SRSF11: variants seen among roughly 807,000 people sequenced by gnomAD.
SRSF11 encodes serine and arginine rich splicing factor 11.
In SRSF11, 9 loss-of-function variants were observed where a neutral mutation model predicts 56.0. The ratio of observed to expected loss-of-function variants is 0.16; its 90% CI spans 0.10 to 0.28. SRSF11 has a LOEUF of 0.28. SRSF11 is among the 10% of genes least tolerant of loss of function. The pLI, the probability that SRSF11 is intolerant of heterozygous loss-of-function variation, is 1.00. For missense variants in SRSF11, 421 were observed against 600.7 expected (o/e 0.70, Z 3.13); for synonymous variants, 222 against 215.3 (o/e 1.03, Z -0.27).
At chr1:70,229,689 T>G in intron 2 of SRSF11, 1 of 985,272 alleles carries the variant, frequency 1.0e-6, no homozygotes, top group Non-Finnish European at 1.2e-6. Context: ...TTAGATGCTA[T>G]CTGAAATCTT....
chr1:70,227,809 C>T (rs74088022), intron 1 of SRSF11, among the ~76,000 whole-genome samples: 574 of 152,290 alleles, frequency 3.8e-3, no homozygotes, highest in African/African-American at 0.013. Flanking sequence ...ACTAGTGGAA[C>T]GTAGTACTAC....
chr1:70,220,713 C>T (rs1211739831), upstream of SRSF11: 1 of 151,846 alleles, frequency 6.6e-6, no homozygotes, highest in Admixed American at 6.6e-5. Context: ...AGCCTGGCGT[C>T]GTGGCAGGCG....
chr1:70,219,455 T>TA (rs1454239573), upstream of SRSF11, among the ~76,000 whole-genome samples: 4 of 152,240 alleles, frequency 2.6e-5, no homozygotes, highest in African/African-American at 9.6e-5. Context: ...AAATAGTTGT[T>TA]AGACAAGAAA....
In SRSF11 at chr1:70,223,263, A is replaced by G. The variant is rs377297126; in HGVS notation, c.203+1424A>G. On this transcript the variant is annotated intron_variant, in intron 1 of 11. Transcript: ENST00000370949. ...ATTCGAATTACTACAATTCTTTCCA[A>G]TCCTACAAGTTAAAAATTTTGTTAT... is the stretch of plus-strand genomic sequence containing the variant. Among the ~76,000 whole-genome samples, 107 of 152,306 alleles carry G rather than the reference A, an allele frequency of 7.0e-4. 3 individuals are homozygous for G. In the South Asian group the frequency reaches 9.9e-3, roughly 14 times the overall value.
At chr1:70,245,950 A>G (rs1426003120) in intron 8 of SRSF11, among the ~76,000 whole-genome samples, 1 of 152,184 alleles carries the variant, frequency 6.6e-6, no homozygotes, top group Non-Finnish European at 1.5e-5. Flanking sequence ...TGTTCTAGTA[A>G]TCTAGGAGTT....
At chr1:70,224,910 G>A (rs1042398955) in intron 1 of SRSF11, among the ~76,000 whole-genome samples, 16 of 152,156 alleles carry the variant, frequency 1.1e-4, no homozygotes, top group Non-Finnish European at 2.2e-4. Flanking sequence ...CTTTCTAAAT[G>A]TACCTTAATC....
chr1:70,215,899 C>T (rs1368342030), intron 1 of SRSF11, among the ~76,000 whole-genome samples: 2 of 152,146 alleles, frequency 1.3e-5, no homozygotes, highest in Non-Finnish European at 2.9e-5. Context: ...TCTTCCTCCT[C>T]GAGGAGCCTC....
chr1:70,222,426 A>G (rs1031951464), intron 1 of SRSF11, among the ~76,000 whole-genome samples: 1 of 152,222 alleles, frequency 6.6e-6, no homozygotes, highest in Non-Finnish European at 1.5e-5. Context: ...TTGTTTGAAT[A>G]ATATACAGAT....
upstream of SRSF11, among the ~76,000 whole-genome samples, chr1:70,216,434 C>CTTT (rs71921219): frequency 7.1e-6 from 1 of 141,582 alleles, no homozygotes; most frequent in Non-Finnish European, 1.6e-5. Flanking sequence ...GGTTATTTAA[C>CTTT]TTTTTTTTTT....
chr1:70,231,586 G>C, intron 2 of SRSF11: 2 of 1,129,354 alleles, frequency 1.8e-6, no homozygotes, highest in Non-Finnish European at 2.2e-6. Flanking sequence ...GTGCCATGTT[G>C]TTTTACCTAT....
At chr1:70,230,443 T>C (rs996271292) in intron 2 of SRSF11, 65 of 1,184,296 alleles carry the variant, frequency 5.5e-5, no homozygotes, top group Non-Finnish European at 6.5e-5. Context: ...CTAAGATAGC[T>C]GAATTTGGAA....
rs372794079 is a variant in SRSF11 at position 70,221,403 on chromosome 1, G to C, written c.-234G>C. 11 of 537,226 alleles carry C rather than the reference G, an allele frequency of 2.0e-5. No individual in the cohort carries two copies. Among genetic ancestry groups the C allele is most frequent in the East Asian group, 2.0e-4 (6 of 30,182 alleles). 33.3% of individuals were successfully genotyped at this position (537,226 alleles called of 1,614,324 possible). A position where few individuals can be genotyped will look rare whatever the true frequency, so the allele number is the denominator to read the frequency against. ...CTAGTGTCGTGGTTGGAGGCGAGGT[G>C]GGGCGGCCGTTTGTTTTCTCGTGGT... On this transcript the variant is annotated 5_prime_UTR_variant, in exon 1 of 12. Transcript: ENST00000370949.
intron 3 of SRSF11, among the ~76,000 whole-genome samples, chr1:70,233,088 A>C (rs1296194487): frequency 6.6e-6 from 1 of 152,190 alleles, no homozygotes; most frequent in Non-Finnish European, 1.5e-5. Flanking sequence ...TGCACTATAG[A>C]ATGAAAGATT....
At chr1:70,208,526 C>T (rs1220582055) in intron 1 of SRSF11, among the ~76,000 whole-genome samples, 1 of 152,098 alleles carries the variant, frequency 6.6e-6, no homozygotes, top group African/African-American at 2.4e-5. Context: ...TTAGCAGAGG[C>T]AGGGTTTCGC....
chr1:70,243,019 AAG>A (rs1301672972), intron 7 of SRSF11, among the ~76,000 whole-genome samples: 5 of 151,936 alleles, frequency 3.3e-5, no homozygotes, highest in Admixed American at 2.6e-4. Flanking sequence ...GGCTGAAAAT[AAG>A]AGATTAAAAT....
Position 70,250,357 on chromosome 1 carries a change from C to T in SRSF11, c.1119-8C>T. The T allele has an allele frequency of 6.2e-7, 1 of 1,608,886 alleles. No homozygotes were observed. Among genetic ancestry groups the T allele is most frequent in the Non-Finnish European group, 8.5e-7 (1 of 1,178,304 alleles). On this transcript the variant is annotated splice_region_variant and splice_polypyrimidine_tract_variant and intron_variant, in intron 10 of 11. Coordinates refer to ENST00000370949, the MANE Select transcript of SRSF11 (RefSeq NM_001350605.2). The stretch of plus-strand genomic sequence containing the variant: ...AACCTGTTGCTGTACATTTTACTGT[C>T]ATTCTAGACATAAAAAGGAGAAGAA...
intron 1 of SRSF11, among the ~76,000 whole-genome samples, chr1:70,209,012 C>A (rs1446435082): frequency 6.6e-6 from 1 of 152,134 alleles, no homozygotes; most frequent in Non-Finnish European, 1.5e-5. Flanking sequence ...AATTGTCTAG[C>A]CAGAATTTAT....
intron 11 of SRSF11, 40 bp downstream of exon 11, chr1:70,250,543 T>TGTTG (rs1410392169): frequency 6.2e-7 from 1 of 1,608,536 alleles, no homozygotes; most frequent in Non-Finnish European, 8.5e-7. Context: ...TTTGGGGTGA[T>TGTTG]GTTGGTACTT....
chr1:70,216,336 G>C (rs1367445371), intron 1 of SRSF11, among the ~76,000 whole-genome samples: 1 of 151,884 alleles, frequency 6.6e-6, no homozygotes, highest in Non-Finnish European at 1.5e-5. Flanking sequence ...AGAGTATTAT[G>C]GGGAACCTGT....
Sources: allele counts gnomAD v4.1 joint callset (sites outside exome capture counted in the v4.1 genomes callset), GRCh38; gene constraint gnomAD v4.1.1; transcripts MANE v1.5; gene names NCBI Gene and HGNC (gene_info 2026-07-23, HGNC 2026-07-21).